DPP10: variants seen among roughly 807,000 people sequenced by gnomAD.
DPP10 encodes the protein dipeptidyl peptidase like 10.
A neutral mutation model predicts 120.9 loss-of-function variants in DPP10; 33 were observed. That is an observed-to-expected ratio of 0.27 (90% CI 0.21 to 0.37). The LOEUF is 0.37. Among genes scored for constraint, DPP10 ranks in the 10% least tolerant of loss-of-function variants. DPP10 has a pLI of 1.00. For missense variants in DPP10, 816 were observed against 942.8 expected, an observed-to-expected ratio of 0.87 and a Z score of 1.76; for synonymous variants, 337 against 326.1, an observed-to-expected ratio of 1.03 and a Z score of -0.36.
At chr2:114,511,721 T>A (rs1409313216) in intron 1 of DPP10, among the ~76,000 whole-genome samples, 1 of 152,200 alleles carries the variant, frequency 6.6e-6, no homozygotes, top group Non-Finnish European at 1.5e-5. Context: ...TATGTCTCCA[T>A]CAGCTCTTAA....
intron 1 of DPP10, among the ~76,000 whole-genome samples, chr2:114,533,338 A>G: frequency 6.6e-6 from 1 of 152,110 alleles, no homozygotes; most frequent in East Asian, 1.9e-4. Flanking sequence ...CTTATTATTA[A>G]GTATTATTAT....
intron 1 of DPP10, among the ~76,000 whole-genome samples, chr2:115,133,252 T>G (rs563912679): frequency 6.8e-6 from 1 of 146,134 alleles, no homozygotes; most frequent in African/African-American, 2.5e-5. Flanking sequence ...AATCTCGGAT[T>G]TGCCATTGCA....
chr2:114,513,554 C>T (rs992146000), intron 1 of DPP10, among the ~76,000 whole-genome samples: 4 of 142,804 alleles, frequency 2.8e-5, no homozygotes, highest in Non-Finnish European at 4.5e-5. Flanking sequence ...GAAACTAGAG[C>T]TTTACGAGAC....
rs78817946 is a variant in DPP10, at chr2:115,110,863, T to G, written c.61-198376T>G. ...ACATAGTGACTTACCCAACCATATG[T>G]TCTCTTTCCTTTCCTGGAGCTTGTT... On this transcript the variant is annotated intron_variant, in intron 1 of 25. Coordinates refer to ENST00000410059, the MANE Select transcript of DPP10 (RefSeq NM_020868.6). Among the ~76,000 whole-genome samples the G allele has an allele frequency of 4.0e-3, 611 of 152,326 alleles. 3 individuals are homozygous for G. Among genetic ancestry groups the G allele is most frequent in the Non-Finnish European group, 6.8e-3 (460 of 68,034 alleles).
At chr2:115,780,751 G>T (rs1011100368) in intron 15 of DPP10, 123 bp from the exon 16 acceptor site, 1 of 816,772 alleles carries the variant, frequency 1.2e-6, no homozygotes, top group Non-Finnish European at 1.8e-6. Flanking sequence ...ATAGTTTACA[G>T]TGAACCTCTA....
intron 1 of DPP10, among the ~76,000 whole-genome samples, chr2:115,189,531 A>G (rs1336649073): frequency 6.6e-6 from 1 of 152,190 alleles, no homozygotes; most frequent in Non-Finnish European, 1.5e-5. Context: ...ACAGAGCTGA[A>G]CATACTGACA....
chr2:115,422,446 C>T (rs1053212902), intron 3 of DPP10, among the ~76,000 whole-genome samples: 3 of 152,138 alleles, frequency 2.0e-5, no homozygotes, highest in African/African-American at 7.2e-5. Context: ...GTGACAAGAA[C>T]ATGCATCATT....
intron 1 of DPP10, among the ~76,000 whole-genome samples, chr2:115,013,269 G>T (rs1459507473): frequency 6.6e-6 from 1 of 152,176 alleles, no homozygotes; most frequent in Non-Finnish European, 1.5e-5. Flanking sequence ...AGTTTGGCTA[G>T]ATATGAAATT....
intron 1 of DPP10, among the ~76,000 whole-genome samples, chr2:114,467,542 C>A (rs1202291781): frequency 2.0e-5 from 3 of 152,140 alleles, no homozygotes; most frequent in Non-Finnish European, 2.9e-5. Flanking sequence ...AGACTTAGAA[C>A]CTCCTTTAGG....
chr2:115,117,474 G>GGT (rs2049577818), intron 1 of DPP10, among the ~76,000 whole-genome samples: 1 of 152,090 alleles, frequency 6.6e-6, no homozygotes, highest in South Asian at 2.1e-4. Context: ...TGAGTGTGAT[G>GGT]GTGTTCACCT....
chr2:114,638,493 A>G (rs969861550), intron 1 of DPP10, among the ~76,000 whole-genome samples: 1 of 151,910 alleles, frequency 6.6e-6, no homozygotes, highest in African/African-American at 2.4e-5. Context: ...TCTAAAGAAG[A>G]CATATAAGTG....
At chr2:115,538,016 A>T (rs2078963683) in intron 5 of DPP10, among the ~76,000 whole-genome samples, 1 of 151,992 alleles carries the variant, frequency 6.6e-6, no homozygotes, top group Non-Finnish European at 1.5e-5. Context: ...AATCCAAGGG[A>T]GCCAGGCAGA....
chr2:114,896,304 A>C (rs972333002), intron 1 of DPP10, among the ~76,000 whole-genome samples: 6 of 152,300 alleles, frequency 3.9e-5, no homozygotes, highest in Admixed American at 3.9e-4. Context: ...GATGGCATTG[A>C]ATCTATAAAT....
intron 1 of DPP10, among the ~76,000 whole-genome samples, chr2:114,906,724 A>T (rs1162540744): frequency 2.0e-5 from 3 of 152,188 alleles, no homozygotes; most frequent in Non-Finnish European, 4.4e-5. Context: ...GTCATATTAT[A>T]TAATCCTATT....
At chr2:115,354,256 T>A (rs2106319921) in intron 3 of DPP10, among the ~76,000 whole-genome samples, 2 of 152,264 alleles carry the variant, frequency 1.3e-5, no homozygotes, top group Admixed American at 1.3e-4. Context: ...TTTTGCTGTA[T>A]GATTGAATAT....
intron 7 of DPP10, among the ~76,000 whole-genome samples, chr2:115,718,156 A>G (rs934584756): frequency 2.7e-5 from 4 of 149,548 alleles, no homozygotes; most frequent in African/African-American, 9.9e-5. Flanking sequence ...TATCTTTTCT[A>G]GCAAATTACT....
In DPP10 at chr2:115,343,895, A is replaced by G. The variant is rs1224512247; in HGVS notation, c.254A>G (p.Glu85Gly). ...AAAGACTTTGTGCTTCACGATCCAG[A>G]GGCTCGGTGGATCAATGGTAAGTGT... ...FRKDFVLHDP[E>G]ARWINDTDVV... Residue 85 changes from glutamate to glycine, a missense_variant, in exon 3 of 26, where the codon GAG becomes GGG. This residue lies in a region of DPP10 where 182 missense variants were observed against 207.4 expected (regional missense o/e 0.88). Transcript: ENST00000410059. 4 of 1,611,442 alleles carry G rather than the reference A, an allele frequency of 2.5e-6. No individual in the cohort carries two copies. The highest frequency in any genetic ancestry group is 1.7e-6 in the Non-Finnish European group (2 of 1,178,628).
chr2:114,628,459 T>C (rs946610684), intron 1 of DPP10, among the ~76,000 whole-genome samples: 2 of 152,150 alleles, frequency 1.3e-5, no homozygotes, highest in African/African-American at 4.8e-5. Context: ...TATTAGAATA[T>C]TATTTTATTT....
At chr2:115,798,943 A>C (rs994533019) in intron 19 of DPP10, among the ~76,000 whole-genome samples, 2 of 152,012 alleles carry the variant, frequency 1.3e-5, no homozygotes, top group Non-Finnish European at 2.9e-5. Flanking sequence ...ATCTGAGTCC[A>C]TGTCTTTGTA....
Sources: allele counts gnomAD v4.1 joint callset (sites outside exome capture counted in the v4.1 genomes callset), GRCh38; gene constraint gnomAD v4.1.1; regional missense constraint gnomAD v4.1.1; transcripts MANE v1.5; gene names NCBI Gene and HGNC (gene_info 2026-07-23, HGNC 2026-07-21).